TRPM1: variants seen among roughly 807,000 people sequenced by gnomAD.
TRPM1 encodes the protein transient receptor potential cation channel subfamily M member 1.
TRPM1 carries 113 observed loss-of-function variants against 149.4 expected under a neutral mutation model. The ratio of observed to expected loss-of-function variants is 0.76; its 90% CI spans 0.65 to 0.88. The LOEUF is 0.88. Ranked by LOEUF, TRPM1 falls within the 40% of genes least tolerant of loss-of-function variation. The pLI, the probability that TRPM1 is intolerant of heterozygous loss-of-function variation, is 0.00. For missense variants in TRPM1, 1,976 were observed against 2,038.7 expected, an observed-to-expected ratio of 0.97 and a Z score of 0.59; for synonymous variants, 741 against 759.5, an observed-to-expected ratio of 0.98 and a Z score of 0.40.
intron 11 of TRPM1, among the ~76,000 whole-genome samples, chr15:31,052,610 A>G (rs2140943617): frequency 6.6e-6 from 1 of 152,268 alleles, no homozygotes; most frequent in South Asian, 2.1e-4. Context: ...TCCCATCTCT[A>G]CTAAAAATAC....
At position 31,002,242 on chromosome 15, in the gene TRPM1, C is replaced by T. The variant is rs1566981485; in HGVS notation, c.4458G>A (p.Gln1486=). ...QDVEYSSITD[Q]QLTTEWQCQV... The stretch of plus-strand genomic sequence containing the variant: ...GGCATTGCCATTCCGTCGTCAATTG[C>T]TGGTCCGTGATTGAACTGTACTCTA... Residue 1486 remains glutamine, a synonymous_variant, in exon 28 of 28, where the codon CAG becomes CAA. Transcript: ENST00000256552. The T allele has an allele frequency of 6.2e-7, 1 of 1,614,260 alleles. No homozygotes were observed.
chr15:31,038,145 G>C lies in TRPM1; in HGVS notation c.2338C>G (p.Pro780Ala). The C allele has an allele frequency of 6.2e-7, 1 of 1,614,024 alleles. No individual in the cohort carries two copies. The highest frequency in any genetic ancestry group is 1.1e-5 in the South Asian group (1 of 91,062). ...AATTCCAAAAACAAGATGGTGGGGGGTAGAAGAATCCCCATGATAACCTAC... is the reference window on the plus strand; with the variant it reads ...AATTCCAAAAACAAGATGGTGGGGGCTAGAAGAATCCCCATGATAACCTAC... Reference protein sequence around the residue: ...GLKVIMGILLPPTILFLEFRT... With the variant: ...GLKVIMGILLAPTILFLEFRT... Residue 780 changes from proline (P) to alanine (A), a missense_variant, in exon 19 of 28, where the codon CCC becomes GCC. Pro to Ala is a conservative substitution (Grantham distance 27). Transcript: ENST00000256552.
chr15:31,043,857 A>G (rs1023727809), intron 16 of TRPM1, among the ~76,000 whole-genome samples: 1 of 152,236 alleles, frequency 6.6e-6, no homozygotes, highest in South Asian at 2.1e-4. Flanking sequence ...TATGAGAAAC[A>G]AAGAGTTAAT....
chr15:31,078,897 G>T (rs773475695), intron 2 of TRPM1, among the ~76,000 whole-genome samples: 2 of 152,226 alleles, frequency 1.3e-5, no homozygotes, highest in Non-Finnish European at 2.9e-5. Context: ...CCATGAGTAG[G>T]TTACTTTTTC....
intron 1 of TRPM1, among the ~76,000 whole-genome samples, chr15:31,157,529 G>T (rs2036393143): frequency 6.6e-6 from 1 of 151,968 alleles, no homozygotes; most frequent in Admixed American, 6.6e-5. Flanking sequence ...GTGTCTTTTA[G>T]CAACAACAAA....
chr15:31,037,491 G>A, intron 20 of TRPM1, among the ~76,000 whole-genome samples: 1 of 152,168 alleles, frequency 6.6e-6, no homozygotes, highest in East Asian at 1.9e-4. Flanking sequence ...CTTATGAGAT[G>A]GTGTATTTGG....
At chr15:31,006,799 T>G (rs976125307) in intron 27 of TRPM1, among the ~76,000 whole-genome samples, 1 of 152,230 alleles carries the variant, frequency 6.6e-6, no homozygotes, top group Non-Finnish European at 1.5e-5. Context: ...TTTAATTTTT[T>G]TTATTTTTAG....
At chr15:31,102,354 T>C (rs1217222059), upstream of TRPM1, among the ~76,000 whole-genome samples, 2 of 152,230 alleles carry the variant, frequency 1.3e-5, no homozygotes, top group Non-Finnish European at 2.9e-5. Context: ...CAGCTTTCCA[T>C]GAGCTTTCTC....
chr15:31,054,261 T>C (rs1289868804), intron 11 of TRPM1, among the ~76,000 whole-genome samples: 1 of 152,122 alleles, frequency 6.6e-6, no homozygotes, highest in Non-Finnish European at 1.5e-5. Context: ...CGTCTCTCTT[T>C]TTCTCTCTCT....
intron 1 of TRPM1, among the ~76,000 whole-genome samples, chr15:31,088,967 C>T (rs1366030452): frequency 2.0e-5 from 3 of 152,104 alleles, no homozygotes; most frequent in Non-Finnish European, 2.9e-5. Context: ...CAGTGGGGCT[C>T]CCAGCACTTT....
chr15:31,029,441 G>C (rs1384975669), intron 23 of TRPM1, 50 bp from the exon 24 acceptor site: 3 of 1,592,074 alleles, frequency 1.9e-6, no homozygotes, highest in Non-Finnish European at 2.6e-6. Flanking sequence ...GTTTTGACAG[G>C]AGGGGAGGAA....
At position 31,071,980 on chromosome 15, in the gene TRPM1, CATATATATATATATATATATATAT is replaced by C. The variant is rs71471861; in HGVS notation, c.84-1778_84-1755del. Among the ~76,000 whole-genome samples, 4 of 77,270 alleles carry C rather than the reference CATATATATATATATATATATATAT, an allele frequency of 5.2e-5. 1 individual carries two copies. Among genetic ancestry groups the C allele is most frequent in the South Asian group, 5.3e-4 (1 of 1,880 alleles). The allele number at this position is 77,270 out of a possible 152,430, so 50.7% of individuals were successfully genotyped here. A position where few individuals can be genotyped will look rare whatever the true frequency, so the allele number is the denominator to read the frequency against. Reference sequence around the variant, plus strand: ...CTCCGTCTCAAAAAAAAAAAAAAAACATATATATATATATATATATATATATATATATATATATAGAGAGAGAGA... The same window carrying C: ...CTCCGTCTCAAAAAAAAAAAAAAAACATATATATATATATAGAGAGAGAGA... On this transcript the variant is annotated intron_variant, in intron 3 of 27. Coordinates refer to ENST00000256552, the MANE Select transcript of TRPM1 (RefSeq NM_001252024.2).
At chr15:31,016,982 CACACACAAAAAA>C (rs1190371690) in intron 27 of TRPM1, among the ~76,000 whole-genome samples, 1 of 117,528 alleles carries the variant, frequency 8.5e-6, no homozygotes, top group Non-Finnish European at 1.9e-5. Flanking sequence ...CACACACACA[CACACACAAAAAA>C]AAAACTTGTT....
intron 2 of TRPM1, among the ~76,000 whole-genome samples, chr15:31,078,685 T>A (rs2034778463): frequency 6.6e-6 from 1 of 152,204 alleles, no homozygotes; most frequent in African/African-American, 2.4e-5. Flanking sequence ...TTTGCACTTT[T>A]CCCGTCTGTT....
At chr15:31,087,465 AGGATGGTCTCAATCT>A (rs2035035888) in intron 1 of TRPM1, among the ~76,000 whole-genome samples, 1 of 151,858 alleles carries the variant, frequency 6.6e-6, no homozygotes, top group Non-Finnish European at 1.5e-5. Flanking sequence ...CATGTTAGCC[AGGATGGTCTCAATCT>A]CCTGACCTCA....
In TRPM1 at chr15:31,003,090, A is replaced by G. The variant is rs760821708; in HGVS notation, c.3630-20T>C. The G allele has an allele frequency of 6.3e-7, 1 of 1,584,190 alleles. No homozygotes were observed. Among genetic ancestry groups the G allele is most frequent in the South Asian group, 1.2e-5 (1 of 86,432 alleles). On this transcript the variant is annotated intron_variant, in intron 27 of 27. Transcript: ENST00000256552. Reference sequence around the variant, plus strand: ...TCAACTCTGGTGAATATAAAGGGATAGATTTATTAAACTGAGATTAAGTGG... The same window carrying G: ...TCAACTCTGGTGAATATAAAGGGATGGATTTATTAAACTGAGATTAAGTGG...
chr15:31,125,130 A>T (rs887357718), intron 1 of TRPM1, among the ~76,000 whole-genome samples: 2 of 152,166 alleles, frequency 1.3e-5, no homozygotes, highest in South Asian at 4.1e-4. Flanking sequence ...GTGAACCAAG[A>T]ACGTGTCACT....
chr15:31,049,232 G>A (rs2033866892), intron 13 of TRPM1, 143 bp downstream of exon 13: 4 of 1,172,340 alleles, frequency 3.4e-6, no homozygotes, highest in Admixed American at 1.7e-5. Context: ...GCCAGCAGCA[G>A]GTGAGAAGTA....
At chr15:31,101,731 G>A (rs1182536211), upstream of TRPM1, 1 of 985,756 alleles carries the variant, frequency 1.0e-6, no homozygotes, top group Admixed American at 6.1e-5. Context: ...CAGGGAGCTG[G>A]GTGAGGAGGG....
Sources: gnomAD v4.1 joint callset for allele counts (sites outside exome capture counted in the v4.1 genomes callset) on GRCh38, gnomAD v4.1.1 for gene constraint, MANE v1.5 for transcripts, NCBI Gene and HGNC (gene_info 2026-07-23, HGNC 2026-07-21) for gene names.